Variants in GPR161 observed in about 807,000 individuals in gnomAD.
GPR161 encodes the protein G protein-coupled receptor 161.
In GPR161, 25 loss-of-function variants were observed where a neutral mutation model predicts 39.2. The ratio of observed to expected loss-of-function variants is 0.64; its 90% CI spans 0.47 to 0.89. The LOEUF is 0.89. Among genes scored for constraint, GPR161 ranks in the 40% least tolerant of loss-of-function variants. The pLI is 0.00. For missense variants in GPR161, 547 were observed against 677.8 expected, an observed-to-expected ratio of 0.81 and a Z score of 2.14; for synonymous variants, 286 against 276.6, an observed-to-expected ratio of 1.03 and a Z score of -0.34.
chr1:168,099,326 T>C (rs1695864135), intron 2 of GPR161, among the ~76,000 whole-genome samples: 1 of 151,698 alleles, frequency 6.6e-6, no homozygotes, highest in African/African-American at 2.4e-5. Flanking sequence ...GAAGGTTTCC[T>C]TCACTTTTCA....
chr1:168,134,039 C>G (rs1195619642), intron 1 of GPR161: 1 of 171,744 alleles, frequency 5.8e-6, no homozygotes, highest in Non-Finnish European at 1.2e-5. Context: ...ATATTTACAG[C>G]TCTTAGTTTT....
At chr1:168,095,668 T>C (rs7543919) in intron 3 of GPR161, among the ~76,000 whole-genome samples, 6,493 of 152,000 alleles carry the variant, frequency 0.043, 448 homozygotes, top group African/African-American at 0.15. Context: ...TCTGGGACCA[T>C]CTGAGGAGAT....
In GPR161 at chr1:168,083,631, T is replaced by A. The variant is rs1043708188; in HGVS notation, c.*1900A>T. On this transcript the variant is annotated 3_prime_UTR_variant, in exon 6 of 6. Transcript: ENST00000682931. ...ACGCAGACGTAGGAATGCCATCCAG[T>A]GATGGAAGCAGAGTGTCTGACCTGC... 2.0e-5 allele frequency: 3 copies of A among 152,288 alleles called. No individual in the cohort carries two copies. Among genetic ancestry groups the A allele is most frequent in the African/African-American group, 7.2e-5 (3 of 41,464 alleles). The allele number at this position is 152,288 out of a possible 1,614,324, so 9.4% of individuals were successfully genotyped here.
chr1:168,096,443 A>G, intron 3 of GPR161, 65 bp downstream of exon 3: 1 of 1,518,736 alleles, frequency 6.6e-7, no homozygotes, highest in Non-Finnish European at 9.0e-7. Context: ...AACAGGCCAG[A>G]GTGGCTGAGA....
chr1:168,103,174 C>A (rs530966355), intron 2 of GPR161, among the ~76,000 whole-genome samples: 2 of 152,226 alleles, frequency 1.3e-5, no homozygotes, highest in South Asian at 2.1e-4. Flanking sequence ...GGATGGAATA[C>A]CTCGTAACCA....
chr1:168,134,821 C>T (rs561647853), intron 1 of GPR161: 1 of 1,245,524 alleles, frequency 8.0e-7, no homozygotes, highest in African/African-American at 1.5e-5. Flanking sequence ...CAGCTCCCAC[C>T]CAGCCCTCCT....
At chr1:168,136,177 A>C in intron 1 of GPR161, 1 of 1,268,710 alleles carries the variant, frequency 7.9e-7, no homozygotes, top group South Asian at 2.7e-5. Context: ...GCGCCGGGCC[A>C]CTTCTGGGCG....
intron 1 of GPR161, among the ~76,000 whole-genome samples, chr1:168,118,189 TAA>T (rs1381424317): frequency 6.6e-6 from 1 of 152,008 alleles, no homozygotes; most frequent in African/African-American, 2.4e-5. Flanking sequence ...ATCAACAGAG[TAA>T]AAAGACGACA....
chr1:168,103,980 G>A (rs551780318), intron 2 of GPR161, among the ~76,000 whole-genome samples: 8 of 152,306 alleles, frequency 5.3e-5, no homozygotes, highest in African/African-American at 1.7e-4. Context: ...AAATGCACAC[G>A]GCCTCTCCCC....
Position 168,084,613 on chromosome 1 carries a change from C to T in GPR161, c.*918G>A, listed in dbSNP as rs1694298118. On this transcript the variant is annotated 3_prime_UTR_variant, in exon 6 of 6. Coordinates refer to ENST00000682931, the MANE Select transcript of GPR161 (RefSeq NM_001375883.1). Reference sequence around the variant, plus strand: ...ATGCAGAACTGAGGCCAGCTATTTTCATTGGTCACTCAAACATCACACATA... The same window carrying T: ...ATGCAGAACTGAGGCCAGCTATTTTTATTGGTCACTCAAACATCACACATA... 4 of 359,678 alleles carry T rather than the reference C, an allele frequency of 1.1e-5. No homozygotes were observed. The highest frequency in any genetic ancestry group is 2.1e-5 in the African/African-American group (1 of 46,592). 22.3% of individuals were successfully genotyped at this position (359,678 alleles called of 1,614,324 possible). A position where few individuals can be genotyped will look rare whatever the true frequency, so the allele number is the denominator to read the frequency against.
intron 3 of GPR161, among the ~76,000 whole-genome samples, chr1:168,095,808 G>T (rs759808789): frequency 3.4e-4 from 52 of 152,114 alleles, no homozygotes; most frequent in Non-Finnish European, 6.6e-4. Flanking sequence ...AGGTGGCCTG[G>T]TCCAATGCTT....
intron 1 of GPR161, among the ~76,000 whole-genome samples, chr1:168,132,244 G>A (rs1213880860): frequency 2.6e-5 from 4 of 151,766 alleles, no homozygotes; most frequent in African/African-American, 4.8e-5. Flanking sequence ...CAGCCTGGGC[G>A]ACAGAGCAAG....
At chr1:168,126,467 T>TG (rs1020913986) in intron 1 of GPR161, among the ~76,000 whole-genome samples, 9 of 152,148 alleles carry the variant, frequency 5.9e-5, no homozygotes, top group Non-Finnish European at 5.9e-5. Flanking sequence ...TGTTTTGTTT[T>TG]TTTTGAGACA....
At chr1:168,107,307 A>C (rs1436241091) in intron 1 of GPR161, among the ~76,000 whole-genome samples, 2 of 152,226 alleles carry the variant, frequency 1.3e-5, no homozygotes, top group Non-Finnish European at 2.9e-5. Context: ...TCTGAAACTC[A>C]CGTTGAAACT....
Position 168,098,815 on chromosome 1 carries a change from G to A in GPR161, c.375-1583C>T, listed in dbSNP as rs1360306181. On this transcript the variant is annotated intron_variant, in intron 2 of 5. Coordinates refer to ENST00000682931, the MANE Select transcript of GPR161 (RefSeq NM_001375883.1). This position sits in a 1 kb window ranked among gnomAD's most constrained non-coding sequence, Gnocchi z 4.1. ...CTGGGTAAGGTGATTACTGTCTTTC[G>A]CTGCTATCTGGGCTTGCATCTTGCA... Among the ~76,000 whole-genome samples the A allele has an allele frequency of 2.6e-5, 4 of 152,166 alleles. No individual in the cohort carries two copies. Among genetic ancestry groups the A allele is most frequent in the Admixed American group, 2.0e-4 (3 of 15,272 alleles).
chr1:168,108,693 A>G (rs1445232988), intron 1 of GPR161, among the ~76,000 whole-genome samples: 1 of 151,920 alleles, frequency 6.6e-6, no homozygotes, highest in Non-Finnish European at 1.5e-5. Flanking sequence ...ACACACTAAA[A>G]ATTTTAAATA....
chr1:168,091,116 A>T (rs1050030147), intron 3 of GPR161, among the ~76,000 whole-genome samples: 5 of 152,216 alleles, frequency 3.3e-5, no homozygotes, highest in Non-Finnish European at 7.3e-5. Flanking sequence ...TGGAAAGCAG[A>T]TGGTTGAGAG....
intron 1 of GPR161, among the ~76,000 whole-genome samples, chr1:168,126,972 C>T (rs1192579654): frequency 6.6e-6 from 1 of 152,098 alleles, no homozygotes; most frequent in Non-Finnish European, 1.5e-5. Context: ...TTCCCTGTGA[C>T]TGTGTGTGTG....
rs1264557685 is a variant in GPR161 at position 168,084,565 on chromosome 1, A to G, written c.*966T>C. ...TTATACCAGGCTTGTGATAATAGTA[A>G]CTGTTGCTCTTGGGAGTGTGCCATG... is the stretch of plus-strand genomic sequence containing the variant. On this transcript the variant is annotated 3_prime_UTR_variant, in exon 6 of 6. Coordinates refer to ENST00000682931, the MANE Select transcript of GPR161 (RefSeq NM_001375883.1). 2.8e-6 allele frequency: 1 copy of G among 352,786 alleles called. No homozygotes were observed. The highest frequency in any genetic ancestry group is 4.0e-5 in the Admixed American group (1 of 25,156). The allele number at this position is 352,786 out of a possible 1,614,324, so 21.9% of individuals were successfully genotyped here.
Sources: gnomAD v4.1 joint callset for allele counts (sites outside exome capture counted in the v4.1 genomes callset) on GRCh38, gnomAD v4.1.1 for gene constraint, Gnocchi (gnomAD v3.1) non-coding constraint, MANE v1.5 for transcripts, NCBI Gene and HGNC (gene_info 2026-07-23, HGNC 2026-07-21) for gene names.